GHR: variants seen among roughly 807,000 people sequenced by gnomAD.
The protein encoded by GHR is GH receptor.
In GHR, 35 loss-of-function variants were observed where a neutral mutation model predicts 67.1. The ratio of observed to expected loss-of-function variants is 0.52; its 90% confidence interval spans 0.40 to 0.69. GHR has a LOEUF of 0.69. Among genes scored for constraint, GHR ranks in the 30% least tolerant of loss-of-function variants. The probability of loss-of-function intolerance (pLI) is 0.00; values close to 1 mark genes in which losing one functional copy is unlikely to be tolerated. For missense variants in GHR, 792 were observed against 764.6 expected (o/e 1.04, Z -0.42); for synonymous variants, 272 against 269.1 (o/e 1.01, Z -0.10).
chr5:42,534,767 A>T (rs1056172461), intron 1 of GHR, among the ~76,000 whole-genome samples: 136 of 152,232 alleles, frequency 8.9e-4, no homozygotes, highest in African/African-American at 3.2e-3. Flanking sequence ...ACTAGTTTAC[A>T]TTCCCACCAG....
Position 42,540,607 on chromosome 5 carries a change from C to G in GHR, c.-11-25257C>G, listed in dbSNP as rs564737085. ...TTATGATCAGGCTGAGCTTCACTCC[C>G]CCTTCCTGGGCTCTCTGGTAGAATA... is the stretch of plus-strand genomic sequence containing the variant. On this transcript the variant is annotated intron_variant, in intron 1 of 9. Transcript: ENST00000230882. Among the ~76,000 whole-genome samples, 11 of 152,290 alleles carry G rather than the reference C, an allele frequency of 7.2e-5. No homozygotes were observed. The South Asian group carries it at 1.0e-3, about 14-fold the overall frequency.
chr5:42,444,372 G>A (rs1361227472), intron 1 of GHR, among the ~76,000 whole-genome samples: 8 of 152,232 alleles, frequency 5.3e-5, no homozygotes, highest in Non-Finnish European at 1.5e-5. Context: ...GCCATGAGCA[G>A]TTAATAAATT....
At chr5:42,605,115 G>A (rs1459093554) in intron 2 of GHR, among the ~76,000 whole-genome samples, 1 of 30,078 alleles carries the variant, frequency 3.3e-5, no homozygotes, top group Non-Finnish European at 6.0e-5. Flanking sequence ...TTTTTTTTTT[G>A]AGACAGAGTT....
intron 1 of GHR, among the ~76,000 whole-genome samples, chr5:42,463,955 T>G (rs1004463859): frequency 8.4e-6 from 1 of 118,950 alleles, no homozygotes; most frequent in Non-Finnish European, 1.6e-5. Flanking sequence ...ATCCCGCCAC[T>G]GCACTCCAGC....
At position 42,497,949 on chromosome 5, in the gene GHR, T is replaced by C. The variant is rs147590696; in HGVS notation, c.-11-67915T>C. ...ATCTTCAGGCCCTGAAGTCATACAATCAATGGATTGCTTTTCCTCTTCACT... is the reference window on the plus strand; with the variant it reads ...ATCTTCAGGCCCTGAAGTCATACAACCAATGGATTGCTTTTCCTCTTCACT... On this transcript the variant is annotated intron_variant, in intron 1 of 9. Transcript: ENST00000230882. 1.7e-3 allele frequency among the ~76,000 whole-genome samples: 256 copies of C among 152,176 alleles called. 1 individual carries two copies. The highest frequency in any genetic ancestry group is 3.4e-3 in the Middle Eastern group (1 of 294).
chr5:42,549,796 A>G (rs1748921653), intron 1 of GHR: 3 of 312,326 alleles, frequency 9.6e-6, no homozygotes, highest in Non-Finnish European at 1.4e-5. Context: ...GTTTAAGAAA[A>G]TCACTGTGGT....
chr5:42,565,472 C>G, intron 1 of GHR: 1 of 985,084 alleles, frequency 1.0e-6, no homozygotes, highest in Non-Finnish European at 1.2e-6. Flanking sequence ...CTGTCCAGCT[C>G]AAGGCCCCAT....
intron 1 of GHR, among the ~76,000 whole-genome samples, chr5:42,540,811 A>C (rs1748478397): frequency 6.6e-6 from 1 of 152,028 alleles, no homozygotes; most frequent in Non-Finnish European, 1.5e-5. Context: ...TGCACCCCCC[A>C]GTCAGACTAC....
chr5:42,709,954 C>G (rs1304554603), intron 6 of GHR, among the ~76,000 whole-genome samples: 1 of 151,658 alleles, frequency 6.6e-6, no homozygotes, highest in Non-Finnish European at 1.5e-5. Context: ...CACTGAGGGC[C>G]CTTTTTTGAT....
chr5:42,474,615 C>A (rs1278759258), intron 1 of GHR, among the ~76,000 whole-genome samples: 1 of 151,828 alleles, frequency 6.6e-6, no homozygotes, highest in Non-Finnish European at 1.5e-5. Context: ...ACTGTTTGAA[C>A]AACAACAACA....
At chr5:42,703,654 G>A (rs555344036) in intron 6 of GHR, among the ~76,000 whole-genome samples, 5 of 151,986 alleles carry the variant, frequency 3.3e-5, no homozygotes, top group African/African-American at 7.2e-5. Flanking sequence ...AGGGACATTC[G>A]AACAATATTA....
chr5:42,599,491 G>C (rs1346704572), intron 2 of GHR, among the ~76,000 whole-genome samples: 1 of 151,046 alleles, frequency 6.6e-6, no homozygotes, highest in Admixed American at 6.6e-5. Context: ...CTCCTGAGTA[G>C]CTGGGATTAC....
Position 42,514,025 on chromosome 5 carries a change from G to T in GHR, c.-11-51839G>T, listed in dbSNP as rs1228315298. Reference sequence around the variant, plus strand: ...TGAAAAAATGATTTTATTACTTACTGGAAAAGAAAAATAAAACAAAGCTTG... The same window carrying T: ...TGAAAAAATGATTTTATTACTTACTTGAAAAGAAAAATAAAACAAAGCTTG... On this transcript the variant is annotated intron_variant, in intron 1 of 9. Coordinates refer to ENST00000230882, the MANE Select transcript of GHR (RefSeq NM_000163.5). The T allele has an allele frequency of 5.3e-6, 4 of 752,510 alleles. No homozygotes were observed. In the African/African-American group the frequency reaches 7.6e-5, roughly 14 times the overall value. The allele number at this position is 752,510 out of a possible 1,614,324, so 46.6% of individuals were successfully genotyped here.
chr5:42,647,574 C>CAA (rs36110641), intron 3 of GHR: 33,460 of 320,770 alleles, frequency 0.1, 1,604 homozygotes, highest in African/African-American at 0.16. Flanking sequence ...ACTGCGTCTC[C>CAA]AAAAAAAAAA....
rs541705165 is a variant in GHR at position 42,665,311 on chromosome 5, G to A, written c.137-23579G>A. 4.3e-4 allele frequency among the ~76,000 whole-genome samples: 65 copies of A among 152,188 alleles called. 5 individuals are homozygous for A. Among genetic ancestry groups the A allele is most frequent in the African/African-American group, 1.3e-3 (53 of 41,494 alleles). ...GACACATGCACACTATGTTTATTGCGGCACTATTCACAATAGCAAAGACTT... is the reference window on the plus strand; with the variant it reads ...GACACATGCACACTATGTTTATTGCAGCACTATTCACAATAGCAAAGACTT... On this transcript the variant is annotated intron_variant, in intron 3 of 9. Transcript: ENST00000230882.
At chr5:42,600,186 T>C (rs1752300183) in intron 2 of GHR, among the ~76,000 whole-genome samples, 1 of 152,210 alleles carries the variant, frequency 6.6e-6, no homozygotes, top group African/African-American at 2.4e-5. Context: ...GAAGTACTTT[T>C]AGTGTTTAAA....
Position 42,576,137 on chromosome 5 carries a change from A to G in GHR, c.70+10193A>G, listed in dbSNP as rs368022114. ...ATAAAATAAAATAAAATAAAATAAA[A>G]TAAAATAGTAAAGTAAAATAAAATA... is the stretch of plus-strand genomic sequence containing the variant. On this transcript the variant is annotated intron_variant, in intron 2 of 9. Transcript: ENST00000230882. Among the ~76,000 whole-genome samples, 657 of 96,590 alleles carry G rather than the reference A, an allele frequency of 6.8e-3. 7 individuals carry two copies. The highest frequency in any genetic ancestry group is 0.026 in the African/African-American group (621 of 23,472). 63.4% of individuals were successfully genotyped at this position (96,590 alleles called of 152,430 possible). A position where few individuals can be genotyped will look rare whatever the true frequency, so the allele number is the denominator to read the frequency against.
At chr5:42,475,758 A>G (rs1374525417) in intron 1 of GHR, among the ~76,000 whole-genome samples, 4 of 152,112 alleles carry the variant, frequency 2.6e-5, no homozygotes, top group Non-Finnish European at 4.4e-5. Context: ...TGATGGGGAG[A>G]GTGAGAGTAA....
intron 2 of GHR, among the ~76,000 whole-genome samples, chr5:42,611,031 T>C (rs1752864627): frequency 6.6e-6 from 1 of 152,184 alleles, no homozygotes; most frequent in Non-Finnish European, 1.5e-5. Context: ...TGGAAGAATT[T>C]GAAGATACTA....
Sources: gnomAD v4.1 joint callset for allele counts (sites outside exome capture counted in the v4.1 genomes callset) on GRCh38, gnomAD v4.1.1 for gene constraint, MANE v1.5 for transcripts, NCBI Gene and HGNC (gene_info 2026-07-23, HGNC 2026-07-21) for gene names.